Variants in F13A1 observed in about 807,000 individuals in gnomAD.
F13A1 encodes the protein coagulation factor XIII A chain.
In F13A1, 47 loss-of-function variants were observed where a neutral mutation model predicts 80.1. The observed-to-expected ratio is 0.59, with a 90% CI of 0.46 to 0.75. The LOEUF (loss-of-function observed/expected upper bound fraction) is 0.75. F13A1 is among the 30% of genes least tolerant of loss of function. The pLI is 0.00. For synonymous variants in F13A1, 349 were observed against 344.9 expected (o/e 1.01, Z -0.13); for missense variants, 817 against 930.4 (o/e 0.88, Z 1.59).
intron 14 of F13A1, among the ~76,000 whole-genome samples, chr6:6,148,483 G>T (rs1017601998): frequency 6.6e-6 from 1 of 152,174 alleles, no homozygotes. Context: ...AACTATTTAA[G>T]AGCTGTATTC....
At chr6:6,316,084 T>TAC (rs1290513460) in intron 2 of F13A1, among the ~76,000 whole-genome samples, 91 of 5,664 alleles carry the variant, frequency 0.016, 3 homozygotes, top group African/African-American at 0.083. Context: ...TGTGCATATA[T>TAC]ATATATATAT....
chr6:6,302,018 C>T (rs143986497), intron 3 of F13A1, among the ~76,000 whole-genome samples: 345 of 152,312 alleles, frequency 2.3e-3, no homozygotes, highest in African/African-American at 7.7e-3. Context: ...AAACTTTCTG[C>T]GCACAAGTCT....
chr6:6,158,920 G>T (rs1192224897), intron 13 of F13A1, among the ~76,000 whole-genome samples: 3 of 58,750 alleles, frequency 5.1e-5, no homozygotes, highest in African/African-American at 1.7e-4. Context: ...TTTTTTTTTC[G>T]AGACGGAGTC....
At chr6:6,161,267 C>G (rs1760567731) in intron 13 of F13A1, among the ~76,000 whole-genome samples, 1 of 152,154 alleles carries the variant, frequency 6.6e-6, no homozygotes, top group South Asian at 2.1e-4. Flanking sequence ...GGGCCACACT[C>G]AGGCCACTGG....
At chr6:6,236,345 A>C (rs759576470) in intron 6 of F13A1, among the ~76,000 whole-genome samples, 2 of 152,144 alleles carry the variant, frequency 1.3e-5, no homozygotes, top group Non-Finnish European at 2.9e-5. Flanking sequence ...CTTTTAAATT[A>C]AACCAGCATC....
intron 10 of F13A1, among the ~76,000 whole-genome samples, chr6:6,184,064 A>T (rs1257307821): frequency 1.3e-5 from 2 of 152,246 alleles, no homozygotes; most frequent in African/African-American, 2.4e-5. Context: ...CTGAGTGCAC[A>T]TGAAGTCGGA....
intron 13 of F13A1, 48 bp from the exon 14 acceptor site, chr6:6,151,997 G>T: frequency 6.2e-7 from 1 of 1,608,678 alleles, no homozygotes; most frequent in Non-Finnish European, 8.5e-7. Flanking sequence ...ACCTCGTTCT[G>T]CTCTCTTGTT....
chr6:6,182,076 A>T lies in F13A1; in HGVS notation c.1371T>A (p.Asp457Glu). Residue 457 changes from aspartate (D) to glutamate (E), a missense_variant, in exon 11 of 15, where the codon GAT (aspartate) becomes GAA (glutamate). Coordinates refer to ENST00000264870, the MANE Select transcript of F13A1 (RefSeq NM_000129.4). ...KDGTHVVENV[D>E]ATHIGKLIVT... ...CAATTAATTTCCCAATGTGGGTGGCATCCACATTTTCCACCACATGAGTGC... is the reference window on the plus strand; with the variant it reads ...CAATTAATTTCCCAATGTGGGTGGCTTCCACATTTTCCACCACATGAGTGC... 6.2e-7 allele frequency: 1 copy of T among 1,614,182 alleles called. No individual in the cohort carries two copies. Among genetic ancestry groups the T allele is most frequent in the Non-Finnish European group, 8.5e-7 (1 of 1,180,002 alleles).
At chr6:6,320,123 C>T (rs935293428) in intron 1 of F13A1, among the ~76,000 whole-genome samples, 9 of 152,204 alleles carry the variant, frequency 5.9e-5, no homozygotes, top group Admixed American at 6.5e-5. Context: ...GGAGAAGTGG[C>T]TCGAGTTCAG....
chr6:6,316,120 T>C lies in F13A1; in HGVS notation c.130+2415A>G, dbSNP rs1758680642. Among the ~76,000 whole-genome samples, 5 of 69,472 alleles carry C rather than the reference T, an allele frequency of 7.2e-5. 1 individual carries two copies. The highest frequency in any genetic ancestry group is 2.0e-4 in the African/African-American group (3 of 15,038). The allele number at this position is 69,472 out of a possible 152,430, so 45.6% of individuals were successfully genotyped here. A position where few individuals can be genotyped will look rare whatever the true frequency, so the allele number is the denominator to read the frequency against. ...ATATATATATATATATATATATATA[T>C]ATATATATATATATATATATATAGT... On this transcript the variant is annotated intron_variant, in intron 2 of 14. Transcript: ENST00000264870.
At chr6:6,193,163 C>A (rs1761232304) in intron 10 of F13A1, among the ~76,000 whole-genome samples, 2 of 152,250 alleles carry the variant, frequency 1.3e-5, no homozygotes, top group South Asian at 4.2e-4. Context: ...GGAGGGTGAA[C>A]TTCCAAAGTG....
chr6:6,262,700 C>T lies in F13A1; in HGVS notation c.571+3858G>A, dbSNP rs77073009. Among the ~76,000 whole-genome samples the T allele has an allele frequency of 5.3e-4, 80 of 149,596 alleles. No homozygotes were observed. In the East Asian group the frequency reaches 0.012, roughly 22 times the overall value. On this transcript the variant is annotated intron_variant, in intron 4 of 14. Transcript: ENST00000264870. ...TCTCAACACATGACTTTGCTTTACA[C>T]TTCACTGACAAAAAAAAAAAAAAAG...
intron 10 of F13A1, among the ~76,000 whole-genome samples, chr6:6,185,121 A>ATC (rs761921430): frequency 6.6e-4 from 93 of 140,242 alleles, no homozygotes; most frequent in African/African-American, 2.1e-3. Flanking sequence ...GAGTTACTGA[A>ATC]TCTCTCTCTT....
rs553114433 is a variant in F13A1 at position 6,241,020 on chromosome 6, G to T, written c.798+7292C>A. On this transcript the variant is annotated intron_variant, in intron 6 of 14. Transcript: ENST00000264870. Reference sequence around the variant, plus strand: ...TGGATTCTCCCAAAGTTGTCACCCCGAGAGCTCCTACTAATTGATATGCGT... The same window carrying T: ...TGGATTCTCCCAAAGTTGTCACCCCTAGAGCTCCTACTAATTGATATGCGT... 1.2e-4 allele frequency among the ~76,000 whole-genome samples: 19 copies of T among 152,132 alleles called. 1 individual carries two copies. The highest frequency in any genetic ancestry group is 4.1e-4 in the African/African-American group (17 of 41,512).
At chr6:6,177,661 TTGGAA>T (rs1760905327) in intron 11 of F13A1, among the ~76,000 whole-genome samples, 1 of 152,222 alleles carries the variant, frequency 6.6e-6, no homozygotes, top group Non-Finnish European at 1.5e-5. Flanking sequence ...TCTCATGCTG[TTGGAA>T]ACCCCATAAT....
intron 8 of F13A1, among the ~76,000 whole-genome samples, chr6:6,221,813 A>T (rs1034083861): frequency 1.3e-5 from 2 of 152,190 alleles, no homozygotes; most frequent in Non-Finnish European, 2.9e-5. Context: ...GGTTGCTATT[A>T]TAAGGAATGA....
intron 2 of F13A1, among the ~76,000 whole-genome samples, chr6:6,317,570 C>A (rs1338371916): frequency 6.6e-6 from 1 of 152,104 alleles, no homozygotes; most frequent in Non-Finnish European, 1.5e-5. Context: ...GTCTGGCTTG[C>A]TGGATAAACT....
intron 6 of F13A1, among the ~76,000 whole-genome samples, chr6:6,236,564 T>C (rs565762925): frequency 2.0e-4 from 30 of 152,280 alleles, no homozygotes; most frequent in South Asian, 8.3e-4. Flanking sequence ...ACATTTTGTA[T>C]AGTTACTATT....
intron 8 of F13A1, among the ~76,000 whole-genome samples, chr6:6,203,276 T>C (rs769658038): frequency 2.6e-4 from 39 of 152,226 alleles, no homozygotes; most frequent in Non-Finnish European, 5.6e-4. Context: ...CCCCTGAGTG[T>C]AGGTGAAATC....
Sources: gnomAD v4.1 joint callset for allele counts (sites outside exome capture counted in the v4.1 genomes callset) on GRCh38, gnomAD v4.1.1 for gene constraint, MANE v1.5 for transcripts, NCBI Gene and HGNC (gene_info 2026-07-23, HGNC 2026-07-21) for gene names.